FREM3: variants seen among roughly 807,000 people sequenced by gnomAD.
The protein encoded by FREM3 is FRAS1-related extracellular matrix protein 3.
Under a neutral mutation model 129.1 loss-of-function variants are expected in FREM3, and 105 were observed. The ratio of observed to expected loss-of-function variants is 0.81; its 90% CI spans 0.69 to 0.96. The LOEUF (loss-of-function observed/expected upper bound fraction) is 0.96, where lower values mean the gene tolerates loss of function less well. Among genes scored for constraint, FREM3 ranks in the 40% least tolerant of loss-of-function variants. FREM3 has a pLI of 0.00. For synonymous variants in FREM3, 1,014 were observed against 1,044.9 expected, an observed-to-expected ratio of 0.97 and a Z score of 0.57; for missense variants, 2,593 against 2,666.3, an observed-to-expected ratio of 0.97 and a Z score of 0.61.
At chr4:143,582,383 C>T (rs1325499289) in intron 7 of FREM3, among the ~76,000 whole-genome samples, 1 of 152,074 alleles carries the variant, frequency 6.6e-6, no homozygotes, top group Non-Finnish European at 1.5e-5. Context: ...TACTAGATCA[C>T]AGCCCAAACT....
intron 6 of FREM3, among the ~76,000 whole-genome samples, chr4:143,601,478 A>T (rs1738571242): frequency 6.6e-6 from 1 of 152,210 alleles, no homozygotes; most frequent in Admixed American, 6.5e-5. Context: ...AGAGTTCTCA[A>T]ATCACGTACT....
intron 2 of FREM3, among the ~76,000 whole-genome samples, chr4:143,682,772 A>G (rs1740279322): frequency 1.3e-5 from 2 of 152,140 alleles, no homozygotes; most frequent in African/African-American, 4.8e-5. Context: ...TAAGTGCCTT[A>G]TGTGTGTTGA....
chr4:143,699,928 C>T lies in FREM3; in HGVS notation c.748G>A (p.Val250Met), dbSNP rs1274992116. 1 of 1,534,566 alleles carries T rather than the reference C, an allele frequency of 6.5e-7. No individual in the cohort carries two copies. Among genetic ancestry groups the T allele is most frequent in the Non-Finnish European group, 8.7e-7 (1 of 1,145,688 alleles). The stretch of plus-strand genomic sequence containing the variant: ...GAGGTGGCTGTGTGCTGATAGCGCA[C>T]CCCAGCACGGAGGAAAGCCTCACAG... The part of the protein sequence containing the change: ...VDCEAFLRAG[V>M]RYQHTATSSP... The change falls in exon 1 of 8, where the codon GTG becomes ATG. Residue 250 changes from valine (V) to methionine (M), a missense_variant. Coordinates refer to ENST00000329798, the MANE Select transcript of FREM3 (RefSeq NM_001168235.2). The surrounding 1 kb of genome is among the most constrained non-coding windows in gnomAD (Gnocchi z 4.2).
chr4:143,660,671 G>A (rs1739695550), intron 2 of FREM3, among the ~76,000 whole-genome samples: 2 of 152,036 alleles, frequency 1.3e-5, no homozygotes, highest in Admixed American at 6.6e-5. Flanking sequence ...AAATTACCTT[G>A]GGCAGTATGG....
chr4:143,662,888 A>C lies in FREM3; in HGVS notation c.5275+30225T>G, dbSNP rs1452523794. On this transcript the variant is annotated intron_variant, in intron 2 of 7. Transcript: ENST00000329798. ...TTGTTGGTTTAAAGTGTGTTTTATC[A>C]GAAACTAGGATTGCAACCCCTGCCT... Among the ~76,000 whole-genome samples, 134 of 152,140 alleles carry C rather than the reference A, an allele frequency of 8.8e-4. 1 individual carries two copies. Among genetic ancestry groups the C allele is most frequent in the Admixed American group, 2.4e-3 (36 of 15,274 alleles).
chr4:143,642,255 C>A (rs1421423629), intron 2 of FREM3, among the ~76,000 whole-genome samples: 2 of 152,138 alleles, frequency 1.3e-5, no homozygotes, highest in Non-Finnish European at 2.9e-5. Flanking sequence ...TAACACAATA[C>A]AATCCCTGTC....
At position 143,696,584 on chromosome 4, in the gene FREM3, T is replaced by C; in HGVS notation, c.4092A>G (p.Glu1364=). ...TTCCCAGAGTAAGATTGTTCCTCACTTCTCCTCTGGGTTTTCTCAGCCTCT... is the reference window on the plus strand; with the variant it reads ...TTCCCAGAGTAAGATTGTTCCTCACCTCTCCTCTGGGTTTTCTCAGCCTCT... ...LLQRLRKPRG[E]VRNNLTLGMN... The change falls in exon 1 of 8, where the codon GAA becomes GAG. Residue 1364 remains glutamate, a synonymous_variant. Transcript: ENST00000329798. 6.5e-7 allele frequency: 1 copy of C among 1,537,588 alleles called. No homozygotes were observed. Among genetic ancestry groups the C allele is most frequent in the Non-Finnish European group, 8.7e-7 (1 of 1,146,972 alleles).
At chr4:143,638,158 A>G (rs1739265137) in intron 2 of FREM3, among the ~76,000 whole-genome samples, 1 of 152,214 alleles carries the variant, frequency 6.6e-6, no homozygotes, top group Admixed American at 6.5e-5. Context: ...GTGAAATAAT[A>G]AAGACCACAA....
chr4:143,604,450 C>T (rs1738631415), intron 6 of FREM3, among the ~76,000 whole-genome samples: 1 of 152,166 alleles, frequency 6.6e-6, no homozygotes, highest in African/African-American at 2.4e-5. Context: ...AGTCCTCAAC[C>T]TTGGCTCAGA....
At position 143,685,095 on chromosome 4, in the gene FREM3, G is replaced by C. The variant is rs531616924; in HGVS notation, c.5275+8018C>G. Among the ~76,000 whole-genome samples, 19 of 152,222 alleles carry C rather than the reference G, an allele frequency of 1.2e-4. No individual in the cohort carries two copies. The South Asian group carries it at 3.9e-3, about 32-fold the overall frequency. On this transcript the variant is annotated intron_variant, in intron 2 of 7. Coordinates refer to ENST00000329798, the MANE Select transcript of FREM3 (RefSeq NM_001168235.2). ...AAACATTTTTGGGGGAATAATCAAG[G>C]AAAACTTCCCCAGCCTCGCTAGAGA...
intron 5 of FREM3, among the ~76,000 whole-genome samples, chr4:143,619,063 G>C (rs1738903571): frequency 6.6e-6 from 1 of 152,120 alleles, no homozygotes; most frequent in South Asian, 2.1e-4. Flanking sequence ...GGAACTAGGG[G>C]GCAGCTCTTG....
intron 4 of FREM3, 110 bp from the exon 5 acceptor site, chr4:143,621,272 T>C: frequency 1.0e-6 from 1 of 967,800 alleles, no homozygotes; most frequent in South Asian, 1.7e-5. Context: ...TTTTCCAACA[T>C]GATTAACTGT....
chr4:143,640,775 C>T (rs7684581), intron 2 of FREM3, among the ~76,000 whole-genome samples: 149,845 of 152,320 alleles, frequency 0.98, 73,743 homozygotes, highest in South Asian at 1. Context: ...TTAGAGCTTC[C>T]ATAAAATACT....
At chr4:143,611,882 G>GCA (rs1486003521) in intron 5 of FREM3, among the ~76,000 whole-genome samples, 1 of 152,154 alleles carries the variant, frequency 6.6e-6, no homozygotes, top group Non-Finnish European at 1.5e-5. Flanking sequence ...AGAATCCACA[G>GCA]CATGAAAATA....
chr4:143,672,816 T>C (rs1285567398), intron 2 of FREM3, among the ~76,000 whole-genome samples: 11 of 152,304 alleles, frequency 7.2e-5, no homozygotes, highest in Admixed American at 7.2e-4. Flanking sequence ...TCTCTAAACT[T>C]CTCTTCTTGC....
intron 2 of FREM3, among the ~76,000 whole-genome samples, chr4:143,655,295 G>A (rs765781375): frequency 2.0e-5 from 3 of 152,160 alleles, no homozygotes; most frequent in Non-Finnish European, 4.4e-5. Flanking sequence ...ACCCTTTTAT[G>A]CCTAAGTAAT....
chr4:143,608,964 A>G (rs1400642072), intron 6 of FREM3, among the ~76,000 whole-genome samples: 1 of 152,158 alleles, frequency 6.6e-6, no homozygotes, highest in Non-Finnish European at 1.5e-5. Flanking sequence ...AACTCAGCCT[A>G]CAGGATGCAT....
intron 2 of FREM3, among the ~76,000 whole-genome samples, chr4:143,672,033 C>G (rs1267566295): frequency 6.6e-6 from 1 of 152,196 alleles, no homozygotes; most frequent in East Asian, 1.9e-4. Context: ...GTTCCCCTCT[C>G]TCTCCCATTG....
In FREM3 at chr4:143,700,528, C is replaced by G; in HGVS notation, c.148G>C (p.Gly50Arg). The G allele has an allele frequency of 6.6e-7, 1 of 1,519,524 alleles. No homozygotes were observed. The highest frequency in any genetic ancestry group is 8.8e-7 in the Non-Finnish European group (1 of 1,136,920). The allele number at this position is 1,519,524 out of a possible 1,614,324, so 94.1% of individuals were successfully genotyped here. A position where few individuals can be genotyped will look rare whatever the true frequency, so the allele number is the denominator to read the frequency against. The change falls in exon 1 of 8, where the codon GGT (glycine) becomes CGT (arginine). Residue 50 changes from glycine (G) to arginine (R), a missense_variant. Around this residue, in one of 2 missense-constraint regions of FREM3, gnomAD observed 2,276 missense variants for 2,267.2 expected, o/e 1.00. Transcript: ENST00000329798. Reference protein sequence around the residue: ...PDPALYLPARGALDGTRPDGP... With the variant: ...PDPALYLPARRALDGTRPDGP... The stretch of plus-strand genomic sequence containing the variant: ...TCGGGGCGAGTGCCGTCAAGCGCAC[C>G]CCGGGCGGGCAGGTAAAGCGCCGGG...
Sources: gnomAD v4.1 joint callset for allele counts (sites outside exome capture counted in the v4.1 genomes callset) on GRCh38, gnomAD v4.1.1 for gene constraint, gnomAD v4.1.1 regional missense constraint, Gnocchi (gnomAD v3.1) non-coding constraint, MANE v1.5 for transcripts, NCBI Gene and HGNC (gene_info 2026-07-23, HGNC 2026-07-21) for gene names.